The following CACNG7 variants were observed in gnomAD, a reference collection of about 807,000 sequenced individuals.
CACNG7 encodes voltage-dependent calcium channel gamma-7 subunit.
Under a neutral mutation model 26.3 loss-of-function variants are expected in CACNG7, and 9 were observed. The observed-to-expected ratio is 0.34, with a 90% CI of 0.21 to 0.60. The LOEUF is 0.60. CACNG7 is among the 20% of genes least tolerant of loss of function. The pLI is 0.81. For missense variants in CACNG7, 297 were observed against 380.4 expected (o/e 0.78, Z 1.82); for synonymous variants, 170 against 157.0 (o/e 1.08, Z -0.62).
intron 4 of CACNG7, among the ~76,000 whole-genome samples, chr19:53,938,607 A>G (rs1386990051): frequency 2.0e-5 from 3 of 152,174 alleles, no homozygotes; most frequent in African/African-American, 7.2e-5. Context: ...GCTGTGTTCC[A>G]CTATCATTTG....
At chr19:53,914,273 CAAA>C (rs376053657) in intron 2 of CACNG7, among the ~76,000 whole-genome samples, 13 of 107,280 alleles carry the variant, frequency 1.2e-4, no homozygotes, top group East Asian at 2.6e-4. Context: ...GACTCCATCT[CAAA>C]AAAAAAAAAA....
At chr19:53,922,195 G>C (rs28403371) in intron 4 of CACNG7, among the ~76,000 whole-genome samples, 3 of 125,078 alleles carry the variant, frequency 2.4e-5, no homozygotes, top group Non-Finnish European at 3.3e-5. Context: ...GTCATTGGTG[G>C]AGTTGCCCCA....
At position 53,942,628 on chromosome 19, in the gene CACNG7, C is replaced by T; in HGVS notation, c.*335C>T. 3.5e-6 allele frequency: 4 copies of T among 1,150,238 alleles called. No homozygotes were observed. Among genetic ancestry groups the T allele is most frequent in the African/African-American group, 3.2e-5 (2 of 63,292 alleles). The allele number at this position is 1,150,238 out of a possible 1,614,324, so 71.3% of individuals were successfully genotyped here. A position where few individuals can be genotyped will look rare whatever the true frequency, so the allele number is the denominator to read the frequency against. On this transcript the variant is annotated 3_prime_UTR_variant, in exon 6 of 6. Transcript: ENST00000391767. This position sits in a 1 kb window ranked among gnomAD's most constrained non-coding sequence, Gnocchi z 5.9. ...CCACCTGCTCTGAGCTGGGAGCAGC[C>T]AGAGGCGGTGCAAGCGCCCAGCTCC... is the stretch of plus-strand genomic sequence containing the variant.
At position 53,912,094 on chromosome 19, in the gene CACNG7, G is replaced by C. The variant is rs1248183042; in HGVS notation, c.-29-709G>C. ...GCATGGAGTTAAGACTGGGTAGCCT[G>C]GGTTAGAGTTTCTGGCCAGCTCAAG... On this transcript the variant is annotated intron_variant, in intron 1 of 5. Coordinates refer to ENST00000391767, the MANE Select transcript of CACNG7 (RefSeq NM_031896.5). This position sits in a 1 kb window ranked among gnomAD's most constrained non-coding sequence, Gnocchi z 4.6. Among the ~76,000 whole-genome samples the C allele has an allele frequency of 6.6e-6, 1 of 152,150 alleles. No homozygotes were observed. The highest frequency in any genetic ancestry group is 1.5e-5 in the Non-Finnish European group (1 of 68,030).
intron 4 of CACNG7, among the ~76,000 whole-genome samples, chr19:53,932,237 G>C (rs1216099366): frequency 1.7e-5 from 2 of 116,874 alleles, no homozygotes; most frequent in African/African-American, 6.6e-5. Flanking sequence ...CTGGGCAACA[G>C]AGTAAGGCCC....
At chr19:53,919,278 T>G (rs2068919166) in intron 4 of CACNG7, among the ~76,000 whole-genome samples, 1 of 152,208 alleles carries the variant, frequency 6.6e-6, no homozygotes, top group Non-Finnish European at 1.5e-5. Flanking sequence ...CTGTTCGCAA[T>G]GAGGAAACCA....
At chr19:53,929,905 T>A (rs2069059661) in intron 4 of CACNG7, among the ~76,000 whole-genome samples, 1 of 152,162 alleles carries the variant, frequency 6.6e-6, no homozygotes, top group Admixed American at 6.5e-5. Flanking sequence ...ATAGCAAGTA[T>A]GTTCTTCATC....
chr19:53,928,381 C>T (rs1466061959), intron 4 of CACNG7, among the ~76,000 whole-genome samples: 2 of 152,134 alleles, frequency 1.3e-5, no homozygotes, highest in African/African-American at 4.8e-5. Context: ...AAGCAATTCT[C>T]ATGCCTCAGC....
chr19:53,921,964 C>T (rs763267569), intron 4 of CACNG7, among the ~76,000 whole-genome samples: 610 of 48,410 alleles, frequency 0.013, 15 homozygotes, highest in Admixed American at 0.021. Context: ...TTGCCCCAGG[C>T]CTGGTCATTG....
chr19:53,937,423 AAG>A (rs2069111767), intron 4 of CACNG7, among the ~76,000 whole-genome samples: 1 of 152,132 alleles, frequency 6.6e-6, no homozygotes. Flanking sequence ...GCCTCCCCAA[AAG>A]AGTGTGCTGT....
intron 4 of CACNG7, among the ~76,000 whole-genome samples, chr19:53,921,365 TC>T (rs2068949347): frequency 2.7e-5 from 3 of 112,440 alleles, no homozygotes; most frequent in African/African-American, 8.4e-5. Flanking sequence ...GGTGGAGTCG[TC>T]CCCAGGTCTG....
intron 4 of CACNG7, among the ~76,000 whole-genome samples, chr19:53,936,223 C>T (rs2069104510): frequency 6.6e-6 from 1 of 152,076 alleles, no homozygotes; most frequent in South Asian, 2.1e-4. Context: ...AGCAGGAACA[C>T]GACATAAAGG....
chr19:53,935,632 G>GTTTTTT (rs751162910), intron 4 of CACNG7, among the ~76,000 whole-genome samples: 10 of 27,558 alleles, frequency 3.6e-4, no homozygotes, highest in African/African-American at 1.1e-3. Flanking sequence ...CTCCAATACT[G>GTTTTTT]TCTTTTTTTT....
At chr19:53,914,674 G>A in intron 3 of CACNG7, 88 bp downstream of exon 3, 1 of 1,225,582 alleles carries the variant, frequency 8.2e-7, no homozygotes, top group Non-Finnish European at 1.2e-6. Flanking sequence ...CTAGGGAAAG[G>A]GTGGGGTCCA....
At chr19:53,926,867 C>A (rs1182741974) in intron 4 of CACNG7, among the ~76,000 whole-genome samples, 4 of 152,196 alleles carry the variant, frequency 2.6e-5, no homozygotes, top group African/African-American at 9.7e-5. Flanking sequence ...AAGCCAAGAT[C>A]ATGCCACTGC....
rs1338876924 is a variant in CACNG7, at chr19:53,909,345, G to A, written c.-202G>A. The A allele has an allele frequency of 6.6e-6, 1 of 150,410 alleles. No individual in the cohort carries two copies. The highest frequency in any genetic ancestry group is 2.4e-5 in the African/African-American group (1 of 41,240). The allele number at this position is 150,410 out of a possible 1,614,324, so 9.3% of individuals were successfully genotyped here. On this transcript the variant is annotated 5_prime_UTR_variant, in exon 1 of 6. Coordinates refer to ENST00000391767, the MANE Select transcript of CACNG7 (RefSeq NM_031896.5). This position sits in a 1 kb window ranked among gnomAD's most constrained non-coding sequence, Gnocchi z 5.1. ...CCGCCGAGTGAGGCCGCGGCCGCGG[G>A]GGGTGGGGGGTGGGAGGCCGGGAGG... is the stretch of plus-strand genomic sequence containing the variant.
intron 4 of CACNG7, among the ~76,000 whole-genome samples, chr19:53,927,115 C>G (rs1191863317): frequency 1.3e-5 from 2 of 151,892 alleles, no homozygotes; most frequent in Non-Finnish European, 2.9e-5. Flanking sequence ...AGACGGGATT[C>G]CACCATGTTG....
chr19:53,929,563 TCTC>T (rs1396033808), intron 4 of CACNG7, among the ~76,000 whole-genome samples: 7 of 152,270 alleles, frequency 4.6e-5, no homozygotes, highest in African/African-American at 1.7e-4. Context: ...TTCAAGCGAT[TCTC>T]CTGTCTCAGC....
intron 4 of CACNG7, among the ~76,000 whole-genome samples, chr19:53,918,853 C>T (rs1391006321): frequency 6.6e-6 from 1 of 152,158 alleles, no homozygotes; most frequent in African/African-American, 2.4e-5. Context: ...ACTGCAACCT[C>T]CGCGTCCCAG....
Sources: gnomAD v4.1 joint callset for allele counts (sites outside exome capture counted in the v4.1 genomes callset) on GRCh38, gnomAD v4.1.1 for gene constraint, Gnocchi (gnomAD v3.1) non-coding constraint, MANE v1.5 for transcripts, NCBI Gene and HGNC (gene_info 2026-07-23, HGNC 2026-07-21) for gene names.